TCF20: variants seen among roughly 807,000 people sequenced by gnomAD.
TCF20 encodes the protein transcription factor 20.
Under a neutral mutation model 148.6 loss-of-function variants are expected in TCF20, and 3 were observed. That is an observed-to-expected ratio of 0.02 (90% CI 0.01 to 0.05). The LOEUF (loss-of-function observed/expected upper bound fraction) is 0.05, where lower values mean the gene tolerates loss of function less well. Ranked by LOEUF, TCF20 falls within the 10% of genes least tolerant of loss-of-function variation. The probability of loss-of-function intolerance (pLI) is 1.00; values close to 1 mark genes in which losing one functional copy is unlikely to be tolerated. For missense variants in TCF20, 2,350 were observed against 2,429.3 expected, an observed-to-expected ratio of 0.97 and a Z score of 0.69; for synonymous variants, 1,049 against 909.5, an observed-to-expected ratio of 1.15 and a Z score of -2.76.
At chr22:42,200,435 G>A (rs1378822358) in intron 2 of TCF20, among the ~76,000 whole-genome samples, 1 of 152,064 alleles carries the variant, frequency 6.6e-6, no homozygotes, top group African/African-American at 2.4e-5. Flanking sequence ...GAGGTCAGGA[G>A]TTCGAGGCCA....
chr22:42,218,114 C>G (rs745415636), intron 1 of TCF20, among the ~76,000 whole-genome samples: 2 of 152,210 alleles, frequency 1.3e-5, no homozygotes, highest in African/African-American at 2.4e-5. Flanking sequence ...TGTTCCAGCA[C>G]TTCACATACA....
chr22:42,193,011 C>T (rs1008814914), intron 2 of TCF20, among the ~76,000 whole-genome samples: 1 of 152,150 alleles, frequency 6.6e-6, no homozygotes, highest in Non-Finnish European at 1.5e-5. Context: ...GGAAGCATCC[C>T]AGGTTCTTAT....
At chr22:42,215,512 C>G in intron 1 of TCF20, 171 bp from the exon 2 acceptor site, 1 of 859,080 alleles carries the variant, frequency 1.2e-6, no homozygotes, top group Non-Finnish European at 1.7e-6. Flanking sequence ...ACTCTGTCAC[C>G]CAGGCTGGAG....
At chr22:42,199,646 G>T (rs1042561559) in intron 2 of TCF20, among the ~76,000 whole-genome samples, 1 of 133,932 alleles carries the variant, frequency 7.5e-6, no homozygotes, top group Admixed American at 9.0e-5. Flanking sequence ...AAGGCAAGTG[G>T]ATCACCTGAG....
chr22:42,224,106 C>T (rs1196226302), intron 1 of TCF20, among the ~76,000 whole-genome samples: 2 of 152,002 alleles, frequency 1.3e-5, no homozygotes, highest in Non-Finnish European at 2.9e-5. Flanking sequence ...GCCATGTAAG[C>T]CATAAAAAAT....
chr22:42,204,536 T>C (rs745415590), intron 2 of TCF20, among the ~76,000 whole-genome samples: 64 of 151,550 alleles, frequency 4.2e-4, no homozygotes, highest in Non-Finnish European at 3.7e-4. Flanking sequence ...ATCTTTAATA[T>C]ATTGATTCAG....
At chr22:42,208,221 A>T (rs1938521222) in intron 2 of TCF20, among the ~76,000 whole-genome samples, 1 of 152,188 alleles carries the variant, frequency 6.6e-6, no homozygotes, top group Non-Finnish European at 1.5e-5. Flanking sequence ...AAAAAGCAAG[A>T]GAAACGATTA....
chr22:42,177,017 T>G (rs1176169924), intron 3 of TCF20, among the ~76,000 whole-genome samples: 2 of 152,190 alleles, frequency 1.3e-5, no homozygotes. Flanking sequence ...AACACAGACA[T>G]GTTGTTTGAG....
At chr22:42,332,056 G>A (rs537852025) in intron 1 of TCF20, among the ~76,000 whole-genome samples, 10 of 152,344 alleles carry the variant, frequency 6.6e-5, no homozygotes, top group East Asian at 3.9e-4. Flanking sequence ...GAAAGGCACC[G>A]GGGTCCAGCC....
chr22:42,183,225 G>A (rs979748140), intron 2 of TCF20, among the ~76,000 whole-genome samples: 1 of 152,238 alleles, frequency 6.6e-6, no homozygotes, highest in Admixed American at 6.5e-5. Context: ...GGTTTCCTGA[G>A]AGCCATTCAG....
Position 42,190,353 on chromosome 22 carries a change from A to C in TCF20, c.5656-10651T>G, listed in dbSNP as rs528741088. On this transcript the variant is annotated intron_variant, in intron 2 of 5. Transcript: ENST00000677622. ...GCACTCCCTGTAGTCCCAGCTATTCAGGAGGCTGAGGCAGGAGGACTGCTC... is the reference window on the plus strand; with the variant it reads ...GCACTCCCTGTAGTCCCAGCTATTCCGGAGGCTGAGGCAGGAGGACTGCTC... Among the ~76,000 whole-genome samples, 402 of 152,276 alleles carry C rather than the reference A, an allele frequency of 2.6e-3. 3 individuals are homozygous for C. The highest frequency in any genetic ancestry group is 9.1e-3 in the African/African-American group (378 of 41,562).
intron 1 of TCF20, among the ~76,000 whole-genome samples, chr22:42,228,251 A>G (rs754813432): frequency 2.6e-5 from 4 of 152,048 alleles, no homozygotes; most frequent in African/African-American, 4.8e-5. Context: ...AGGTAGTGAC[A>G]CACAGTCAAA....
At chr22:42,181,532 A>T (rs1215809423) in intron 2 of TCF20, among the ~76,000 whole-genome samples, 1 of 151,960 alleles carries the variant, frequency 6.6e-6, no homozygotes, top group East Asian at 1.9e-4. Context: ...GGGTATGGTC[A>T]AGCATTTCTG....
At chr22:42,224,604 T>TA (rs1922697529) in intron 1 of TCF20, among the ~76,000 whole-genome samples, 1 of 41,764 alleles carries the variant, frequency 2.4e-5, no homozygotes, top group African/African-American at 9.6e-5. Flanking sequence ...AAACTGGTAA[T>TA]AAAACAGTCA....
chr22:42,200,507 G>A (rs1937928108), intron 2 of TCF20, among the ~76,000 whole-genome samples: 1 of 152,080 alleles, frequency 6.6e-6, no homozygotes, highest in African/African-American at 2.4e-5. Context: ...TCGGCATGGT[G>A]GCACATGCTT....
intron 1 of TCF20, among the ~76,000 whole-genome samples, chr22:42,262,161 A>G (rs1002044967): frequency 2.6e-5 from 4 of 152,306 alleles, no homozygotes; most frequent in African/African-American, 9.6e-5. Context: ...TCTAAGTGCT[A>G]TGGAAAACCA....
chr22:42,183,757 T>C (rs1000320902), intron 2 of TCF20, among the ~76,000 whole-genome samples: 3 of 151,790 alleles, frequency 2.0e-5, no homozygotes, highest in Non-Finnish European at 4.4e-5. Context: ...CAAGTGATTG[T>C]TCATTTTCCT....
intron 2 of TCF20, among the ~76,000 whole-genome samples, chr22:42,180,316 C>A (rs1006844427): frequency 6.6e-6 from 1 of 152,118 alleles, no homozygotes; most frequent in Non-Finnish European, 1.5e-5. Context: ...TTTAAATGCA[C>A]CAGAAAACCT....
rs1051722767 is a variant in TCF20 at position 42,161,056 on chromosome 22, A to T, written c.*347T>A. The stretch of plus-strand genomic sequence containing the variant: ...GTCTTTCCAGACTAAAAATAGATTT[A>T]TATATATATATTTATCCCTCCCTTT... On this transcript the variant is annotated 3_prime_UTR_variant, in exon 6 of 6. Transcript: ENST00000677622. 4.1e-5 allele frequency: 12 copies of T among 290,486 alleles called. No individual in the cohort carries two copies. Among genetic ancestry groups the T allele is most frequent in the Middle Eastern group, 1.0e-3 (1 of 998 alleles). 18.0% of individuals were successfully genotyped at this position (290,486 alleles called of 1,614,324 possible). A position where few individuals can be genotyped will look rare whatever the true frequency, so the allele number is the denominator to read the frequency against.
Sources: allele counts gnomAD v4.1 joint callset (sites outside exome capture counted in the v4.1 genomes callset), GRCh38; gene constraint gnomAD v4.1.1; transcripts MANE v1.5; gene names NCBI Gene and HGNC (gene_info 2026-07-23, HGNC 2026-07-21).